Variants in GNPDA2 observed in about 807,000 individuals in gnomAD.
The protein encoded by GNPDA2 is glcN6P deaminase 2.
In GNPDA2, 24 loss-of-function variants were observed where a neutral mutation model predicts 27.0. The ratio of observed to expected loss-of-function variants is 0.89; its 90% CI spans 0.64 to 1.25. The LOEUF is 1.25. Among genes scored for constraint, GNPDA2 ranks in the 50% most tolerant of loss-of-function variants. GNPDA2 has a pLI of 0.00. For missense variants in GNPDA2, 286 were observed against 335.1 expected, an observed-to-expected ratio of 0.85 and a Z score of 1.14; for synonymous variants, 94 against 108.4, an observed-to-expected ratio of 0.87 and a Z score of 0.83.
rs922555194 is a variant in GNPDA2, at chr4:44,712,862, T to C, written c.410-1725A>G. 2.0e-5 allele frequency among the ~76,000 whole-genome samples: 3 copies of C among 152,188 alleles called. No homozygotes were observed. The South Asian group carries it at 6.2e-4, about 32-fold the overall frequency. On this transcript the variant is annotated intron_variant, in intron 4 of 6. Transcript: ENST00000295448. ...ATAAAATTATTTTTTTAAATGTGGC[T>C]AATTCTTATTCAGCCTTTAAGTCTA...
chr4:44,712,162 G>A (rs1324821706), intron 4 of GNPDA2, among the ~76,000 whole-genome samples: 3 of 151,970 alleles, frequency 2.0e-5, no homozygotes, highest in South Asian at 4.1e-4. Context: ...TAAATAAATC[G>A]AGTTTTATTT....
chr4:44,707,162 C>T (rs770731886), intron 6 of GNPDA2: 9 of 152,120 alleles, frequency 5.9e-5, no homozygotes, highest in Non-Finnish European at 1.2e-4. Context: ...AGTAAGGTTT[C>T]TGAATTACTG....
intron 2 of GNPDA2, 35 bp from the exon 3 acceptor site, chr4:44,718,445 C>T: frequency 1.5e-6 from 1 of 689,216 alleles, no homozygotes; most frequent in Non-Finnish European, 2.3e-6. Context: ...TCTAAAATGA[C>T]TTAATAATCT....
intron 4 of GNPDA2, 36 bp downstream of exon 4, chr4:44,717,077 C>T (rs1414351348): frequency 1.1e-5 from 16 of 1,439,174 alleles, no homozygotes; most frequent in Non-Finnish European, 1.4e-5. Flanking sequence ...AATTCAAACA[C>T]TAACAAACAG....
chr4:44,711,745 G>GT (rs1421940948), intron 4 of GNPDA2, among the ~76,000 whole-genome samples: 138 of 141,810 alleles, frequency 9.7e-4, no homozygotes, highest in Admixed American at 1.3e-3. Context: ...TAGGGCAACA[G>GT]TTTTTTTTTT....
In GNPDA2 at chr4:44,703,516, C is replaced by T. The variant is rs182946982; in HGVS notation, c.770-374G>A. ...TATTGATCCTCTGGCAGTTCCTCTA[C>T]TAGACTCCAGCCAGGGGCTCAGAAC... On this transcript the variant is annotated intron_variant, in intron 6 of 6. Coordinates refer to ENST00000295448, the MANE Select transcript of GNPDA2 (RefSeq NM_138335.3). 11 of 1,000,530 alleles carry T rather than the reference C, an allele frequency of 1.1e-5. No individual in the cohort carries two copies. In the East Asian group the frequency reaches 1.2e-3, roughly 108 times the overall value. The allele number at this position is 1,000,530 out of a possible 1,614,324, so 62.0% of individuals were successfully genotyped here. A position where few individuals can be genotyped will look rare whatever the true frequency, so the allele number is the denominator to read the frequency against.
Position 44,717,298 on chromosome 4 carries a change from A to C in GNPDA2, c.227-3T>G. 1 of 1,442,652 alleles carries C rather than the reference A, an allele frequency of 6.9e-7. No individual in the cohort carries two copies. Among genetic ancestry groups the C allele is most frequent in the Non-Finnish European group, 9.4e-7 (1 of 1,065,412 alleles). The allele number at this position is 1,442,652 out of a possible 1,614,324, so 89.4% of individuals were successfully genotyped here. ...TTCAGGATGATTTCTTGGAAGTCCT[A>C]AAGATGAAGTTAATAAAAATATAAG... On this transcript the variant is annotated splice_region_variant and splice_polypyrimidine_tract_variant and intron_variant, in intron 3 of 6. Transcript: ENST00000295448.
chr4:44,713,292 G>A (rs1245146232), intron 4 of GNPDA2, among the ~76,000 whole-genome samples: 1 of 152,138 alleles, frequency 6.6e-6, no homozygotes, highest in Non-Finnish European at 1.5e-5. Flanking sequence ...TCTGAATCTT[G>A]ACCAGGGATA....
intron 6 of GNPDA2, chr4:44,704,310 A>G (rs145692602): frequency 1.0e-6 from 1 of 979,282 alleles, no homozygotes; most frequent in East Asian, 1.1e-4. Context: ...TATCAGCTGT[A>G]TGATTTAGAA....
chr4:44,717,329 C>T (rs1212078164), intron 3 of GNPDA2, 34 bp from the exon 4 acceptor site: 2 of 1,184,378 alleles, frequency 1.7e-6, no homozygotes, highest in East Asian at 2.5e-5. Context: ...ATAAGTATTC[C>T]TGAAATAAAT....
intron 6 of GNPDA2, chr4:44,703,988 G>A (rs1054990458): frequency 1.4e-5 from 14 of 985,002 alleles, no homozygotes; most frequent in Non-Finnish European, 1.7e-5. Context: ...CACTTAATGC[G>A]GTTTTGCAGG....
intron 6 of GNPDA2, chr4:44,704,167 A>C: frequency 1.0e-6 from 1 of 985,102 alleles, no homozygotes; most frequent in Non-Finnish European, 1.2e-6. Flanking sequence ...AATTCTAACC[A>C]TAAGAATGGG....
intron 6 of GNPDA2, chr4:44,706,240 G>A (rs938490405): frequency 6.6e-6 from 1 of 151,640 alleles, no homozygotes; most frequent in Non-Finnish European, 1.5e-5. Context: ...CAGTTTTTCA[G>A]TTTGATATAT....
chr4:44,709,009 T>C (rs950741404), intron 5 of GNPDA2, among the ~76,000 whole-genome samples: 1 of 152,170 alleles, frequency 6.6e-6, no homozygotes, highest in African/African-American at 2.4e-5. Flanking sequence ...GTGCATATTC[T>C]TAGCGATTAA....
chr4:44,716,208 T>C (rs770390995), intron 4 of GNPDA2, among the ~76,000 whole-genome samples: 1 of 151,906 alleles, frequency 6.6e-6, no homozygotes, highest in Non-Finnish European at 1.5e-5. Context: ...CCAATGATAA[T>C]CAACTATCTC....
intron 1 of GNPDA2, among the ~76,000 whole-genome samples, chr4:44,724,615 A>T (rs1313015622): frequency 6.6e-6 from 1 of 152,184 alleles, no homozygotes; most frequent in Non-Finnish European, 1.5e-5. Context: ...AGCTTTTTAT[A>T]ACATGGTTTC....
chr4:44,714,596 C>T (rs1225515758), intron 4 of GNPDA2: 1 of 981,574 alleles, frequency 1.0e-6, no homozygotes, highest in Admixed American at 6.2e-5. Context: ...TCAACTTTAC[C>T]TTTAATAAAG....
intron 5 of GNPDA2, among the ~76,000 whole-genome samples, chr4:44,709,224 T>C (rs1475478261): frequency 2.0e-5 from 3 of 152,084 alleles, no homozygotes; most frequent in Non-Finnish European, 4.4e-5. Context: ...ATTACCATTA[T>C]GAAGGGAGTG....
chr4:44,705,346 G>C, intron 6 of GNPDA2: 1 of 984,916 alleles, frequency 1.0e-6, no homozygotes, highest in Non-Finnish European at 1.2e-6. Flanking sequence ...CCCATATGTA[G>C]CCCAGAATGT....
Sources: gnomAD v4.1 joint callset for allele counts (sites outside exome capture counted in the v4.1 genomes callset) on GRCh38, gnomAD v4.1.1 for gene constraint, MANE v1.5 for transcripts, NCBI Gene and HGNC (gene_info 2026-07-23, HGNC 2026-07-21) for gene names.